The following ALK variants were observed in gnomAD, a reference collection of about 807,000 sequenced individuals.
ALK encodes the protein ALK receptor tyrosine kinase.
Under a neutral mutation model 163.1 loss-of-function variants are expected in ALK, and 74 were observed. That is an observed-to-expected ratio of 0.45 (90% CI 0.38 to 0.55). The LOEUF is 0.55. Among genes scored for constraint, ALK ranks in the 20% least tolerant of loss-of-function variants. The probability of loss-of-function intolerance (pLI) is 0.00; values close to 1 mark genes in which losing one functional copy is unlikely to be tolerated. For synonymous variants in ALK, 960 were observed against 843.2 expected, an observed-to-expected ratio of 1.14 and a Z score of -2.40; for missense variants, 2,063 against 2,105.3, an observed-to-expected ratio of 0.98 and a Z score of 0.39.
intron 1 of ALK, among the ~76,000 whole-genome samples, chr2:29,786,624 T>C (rs1664032501): frequency 6.6e-6 from 1 of 152,154 alleles, no homozygotes; most frequent in South Asian, 2.1e-4. Flanking sequence ...AAAAGGTGAA[T>C]AATGTAGTCC....
intron 4 of ALK, among the ~76,000 whole-genome samples, chr2:29,508,314 G>A (rs1672397181): frequency 6.6e-6 from 1 of 152,140 alleles, no homozygotes; most frequent in African/African-American, 2.4e-5. Flanking sequence ...GCGTCAGCTT[G>A]TTAGAAATGC....
intron 5 of ALK, among the ~76,000 whole-genome samples, chr2:29,358,896 C>T (rs1406229): frequency 0.15 from 23,021 of 152,112 alleles, 2,136 homozygotes; most frequent in Middle Eastern, 0.26. Flanking sequence ...CTATTATATA[C>T]GTTCGTAAAT....
At chr2:29,501,468 T>C (rs959160340) in intron 4 of ALK, among the ~76,000 whole-genome samples, 2 of 152,210 alleles carry the variant, frequency 1.3e-5, no homozygotes, top group Non-Finnish European at 2.9e-5. Context: ...TTGCTGCTCC[T>C]GCAAATTCTC....
intron 1 of ALK, among the ~76,000 whole-genome samples, chr2:29,873,893 A>G (rs1224576983): frequency 6.6e-6 from 1 of 152,148 alleles, no homozygotes; most frequent in African/African-American, 2.4e-5. Flanking sequence ...AATGTCCCCA[A>G]CAAAGCAGTA....
At chr2:29,538,730 A>T (rs953307190) in intron 3 of ALK, among the ~76,000 whole-genome samples, 11 of 151,610 alleles carry the variant, frequency 7.3e-5, no homozygotes, top group Non-Finnish European at 1.0e-4. Flanking sequence ...ACACTGGAAA[A>T]TTTTTTTTTA....
intron 4 of ALK, among the ~76,000 whole-genome samples, chr2:29,483,077 T>C (rs936197023): frequency 2.0e-5 from 3 of 152,194 alleles, no homozygotes; most frequent in Non-Finnish European, 4.4e-5. Flanking sequence ...GAAAAGACTG[T>C]GGTAAATATT....
intron 11 of ALK, among the ~76,000 whole-genome samples, chr2:29,263,015 C>G (rs186261327): frequency 2.6e-5 from 4 of 152,204 alleles, no homozygotes. Flanking sequence ...AACTTGGCTT[C>G]GGGCCAGAGT....
chr2:29,577,041 T>C (rs1674544031), intron 3 of ALK, among the ~76,000 whole-genome samples: 1 of 152,184 alleles, frequency 6.6e-6, no homozygotes, highest in African/African-American at 2.4e-5. Context: ...ACCCCTGGTC[T>C]GTGGAAAAAT....
intron 1 of ALK, among the ~76,000 whole-genome samples, chr2:29,779,024 C>T (rs1248980089): frequency 3.3e-5 from 5 of 151,850 alleles, no homozygotes; most frequent in South Asian, 4.2e-4. Context: ...GGCGTGGTGG[C>T]GGGCGCCTGT....
chr2:29,846,629 T>TC (rs1459306609), intron 1 of ALK, among the ~76,000 whole-genome samples: 1 of 152,056 alleles, frequency 6.6e-6, no homozygotes, highest in Non-Finnish European at 1.5e-5. Flanking sequence ...GTCCACCTCC[T>TC]CCCCCGGGCA....
intron 3 of ALK, among the ~76,000 whole-genome samples, chr2:29,672,753 C>T (rs1573544339): frequency 6.6e-6 from 1 of 151,680 alleles, no homozygotes; most frequent in East Asian, 1.9e-4. Context: ...AATCGCCACA[C>T]TGACTTCCAC....
chr2:29,420,642 A>G (rs1224767186), intron 4 of ALK, among the ~76,000 whole-genome samples: 3 of 151,460 alleles, frequency 2.0e-5, no homozygotes, highest in African/African-American at 7.4e-5. Flanking sequence ...GAATGAAGCC[A>G]TTTAAGAGTG....
chr2:29,482,900 G>A (rs1671696253), intron 4 of ALK, among the ~76,000 whole-genome samples: 1 of 152,150 alleles, frequency 6.6e-6, no homozygotes, highest in South Asian at 2.1e-4. Context: ...GCGATAGGAG[G>A]CAAGGAGATA....
At chr2:29,280,957 GA>G (rs1665701963) in intron 9 of ALK, among the ~76,000 whole-genome samples, 1 of 151,336 alleles carries the variant, frequency 6.6e-6, no homozygotes, top group Non-Finnish European at 1.5e-5. Context: ...TGTACCAGGT[GA>G]ACCACTCTCG....
chr2:29,906,138 A>C (rs1558542530), intron 1 of ALK, among the ~76,000 whole-genome samples: 1 of 152,024 alleles, frequency 6.6e-6, no homozygotes, highest in East Asian at 1.9e-4. Flanking sequence ...CGTGTGGGGC[A>C]GGGGGGAAGA....
At chr2:29,815,565 G>A (rs980732057) in intron 1 of ALK, among the ~76,000 whole-genome samples, 13 of 152,330 alleles carry the variant, frequency 8.5e-5, no homozygotes, top group African/African-American at 3.1e-4. Flanking sequence ...CTGTTGGGCT[G>A]TAGAAAGGTC....
chr2:29,420,428 A>T (rs1669988156), intron 4 of ALK, among the ~76,000 whole-genome samples: 1 of 151,414 alleles, frequency 6.6e-6, no homozygotes, highest in South Asian at 2.1e-4. Flanking sequence ...GAGCCTCTTC[A>T]AAGTTCATTA....
At chr2:29,592,346 G>A (rs1388034547) in intron 3 of ALK, among the ~76,000 whole-genome samples, 2 of 152,180 alleles carry the variant, frequency 1.3e-5, no homozygotes, top group East Asian at 3.9e-4. Context: ...CCAGCTCTCT[G>A]CTTCTCTCAG....
At chr2:29,389,823 A>G (rs139052290) in intron 4 of ALK, among the ~76,000 whole-genome samples, 203 of 152,280 alleles carry the variant, frequency 1.3e-3, no homozygotes, top group African/African-American at 4.7e-3. Flanking sequence ...TTATTACTAC[A>G]TAGCTCATCA....
Sources: gnomAD v4.1 joint callset for allele counts (sites outside exome capture counted in the v4.1 genomes callset) on GRCh38, gnomAD v4.1.1 for gene constraint, MANE v1.5 for transcripts, NCBI Gene and HGNC (gene_info 2026-07-23, HGNC 2026-07-21) for gene names.